The following RTN4RL1 variants were observed in gnomAD, a reference collection of about 807,000 sequenced individuals.
RTN4RL1 encodes reticulon 4 receptor like 1.
Under a neutral mutation model 25.6 loss-of-function variants are expected in RTN4RL1, and 7 were observed. The ratio of observed to expected loss-of-function variants is 0.27; its 90% CI spans 0.16 to 0.51. The LOEUF (loss-of-function observed/expected upper bound fraction) is 0.51, where lower values mean the gene tolerates loss of function less well. RTN4RL1 is among the 20% of genes least tolerant of loss of function. The pLI, the probability that RTN4RL1 is intolerant of heterozygous loss-of-function variation, is 0.97. For missense variants in RTN4RL1, 500 were observed against 615.6 expected (o/e 0.81, Z 1.99); for synonymous variants, 297 against 288.2 (o/e 1.03, Z -0.31).
At chr17:1,961,661 CTCATGCCTGTAATCCCA>C (rs2066761970) in intron 1 of RTN4RL1, among the ~76,000 whole-genome samples, 1 of 151,412 alleles carries the variant, frequency 6.6e-6, no homozygotes, top group African/African-American at 2.4e-5. Flanking sequence ...GGCGCGGTGG[CTCATGCCTGTAATCCCA>C]GCACTTTGGG....
chr17:2,024,714 G>A (rs1409900520), intron 1 of RTN4RL1, 139 bp downstream of exon 1: 9 of 740,338 alleles, frequency 1.2e-5, no homozygotes, highest in Middle Eastern at 6.9e-4. Flanking sequence ...CAGCCCCTCG[G>A]CGGGTGCGCC....
At chr17:1,993,137 A>T (rs1271203157) in intron 1 of RTN4RL1, among the ~76,000 whole-genome samples, 1 of 152,156 alleles carries the variant, frequency 6.6e-6, no homozygotes, top group Non-Finnish European at 1.5e-5. Context: ...GATCCCAGCT[A>T]TTCGGGAGGC....
intron 1 of RTN4RL1, among the ~76,000 whole-genome samples, chr17:1,974,522 T>C (rs1327310138): frequency 3.9e-5 from 6 of 152,116 alleles, no homozygotes; most frequent in Admixed American, 3.3e-4. Context: ...AAAGGGATGA[T>C]TGACAAAGGT....
intron 1 of RTN4RL1, among the ~76,000 whole-genome samples, chr17:1,971,860 G>C (rs1384612458): frequency 6.6e-6 from 1 of 151,502 alleles, no homozygotes; most frequent in Non-Finnish European, 1.5e-5. Flanking sequence ...TACTCGGGAG[G>C]CTGAGGCAGG....
At chr17:1,962,438 A>T (rs1597497063) in intron 1 of RTN4RL1, among the ~76,000 whole-genome samples, 1 of 147,450 alleles carries the variant, frequency 6.8e-6, no homozygotes, top group South Asian at 2.2e-4. Flanking sequence ...GCTCCCTGCA[A>T]CCTCCGTCTC....
intron 1 of RTN4RL1, among the ~76,000 whole-genome samples, chr17:1,989,189 G>T (rs1032369600): frequency 7.2e-5 from 11 of 152,100 alleles, no homozygotes; most frequent in Non-Finnish European, 1.6e-4. Context: ...CGGAGAGGAG[G>T]GGATGGAGGT....
At chr17:1,977,422 T>TTC (rs2066846960) in intron 1 of RTN4RL1, among the ~76,000 whole-genome samples, 1 of 151,940 alleles carries the variant, frequency 6.6e-6, no homozygotes, top group Non-Finnish European at 1.5e-5. Context: ...ACCTTCGGGG[T>TTC]TCTCCCTGGA....
intron 1 of RTN4RL1, among the ~76,000 whole-genome samples, chr17:1,966,225 T>C (rs1260083168): frequency 1.3e-5 from 2 of 152,144 alleles, no homozygotes; most frequent in South Asian, 2.1e-4. Flanking sequence ...CGATTCCCAG[T>C]GTGACTGAGA....
At chr17:1,961,581 C>T (rs2066761491) in intron 1 of RTN4RL1, among the ~76,000 whole-genome samples, 1 of 151,762 alleles carries the variant, frequency 6.6e-6, no homozygotes, top group African/African-American at 2.4e-5. Context: ...GTTTCTTCTT[C>T]CCTCCTCCCA....
At chr17:2,004,078 C>CA (rs1166562038) in intron 1 of RTN4RL1, among the ~76,000 whole-genome samples, 8 of 132,782 alleles carry the variant, frequency 6.0e-5, no homozygotes, top group Admixed American at 1.5e-4. Context: ...CTCAAAAAAA[C>CA]AAAAAGCAGG....
Position 1,988,395 on chromosome 17 carries a change from C to T in RTN4RL1, c.13+36458G>A, listed in dbSNP as rs541962304. 5.6e-5 allele frequency among the ~76,000 whole-genome samples: 7 copies of T among 124,756 alleles called. No individual in the cohort carries two copies. In the East Asian group the frequency reaches 1.1e-3, roughly 20 times the overall value. 81.8% of individuals were successfully genotyped at this position (124,756 alleles called of 152,430 possible). On this transcript the variant is annotated intron_variant, in intron 1 of 1. Transcript: ENST00000331238. ...ATTCCAGCCTGGTGACAGAGCAAGA[C>T]TCCGCCTCAAAAAAAAAAAAAAAAA...
intron 1 of RTN4RL1, among the ~76,000 whole-genome samples, chr17:1,985,715 C>T (rs1013194030): frequency 6.6e-6 from 1 of 152,142 alleles, no homozygotes; most frequent in Non-Finnish European, 1.5e-5. Flanking sequence ...AGGAAGCCAG[C>T]CGTCTGGTGG....
intron 1 of RTN4RL1, among the ~76,000 whole-genome samples, chr17:1,939,160 G>A (rs959415782): frequency 2.6e-5 from 4 of 152,018 alleles, no homozygotes; most frequent in African/African-American, 7.2e-5. Flanking sequence ...AGACCATCCT[G>A]GCTAACACGG....
intron 1 of RTN4RL1, among the ~76,000 whole-genome samples, chr17:2,002,785 G>A (rs368548400): frequency 1.3e-5 from 2 of 152,192 alleles, no homozygotes; most frequent in African/African-American, 2.4e-5. Context: ...GGGAAAGTCA[G>A]GTCCCGGCGA....
At position 1,937,204 on chromosome 17, in the gene RTN4RL1, C is replaced by T. The variant is rs1344604221; in HGVS notation, c.618G>A (p.Glu206=). 12 of 1,612,456 alleles carry T rather than the reference C, an allele frequency of 7.4e-6. No individual in the cohort carries two copies. The highest frequency in any genetic ancestry group is 1.0e-5 in the Non-Finnish European group (12 of 1,179,812). ...TGTGGTGGACCCACTGCAGCTGGTT[C>T]TCGTGCAGCAAAAGACGGTCCAGGT... ...LVNLDRLLLH[E]NQLQWVHHKA... is the part of the protein sequence containing the mutation. Residue 206 remains glutamate (E), a synonymous_variant, in exon 2 of 2, where the codon GAG becomes GAA. Coordinates refer to ENST00000331238, the MANE Select transcript of RTN4RL1 (RefSeq NM_178568.4).
Position 1,949,670 on chromosome 17 carries a change from G to A in RTN4RL1, c.14-11862C>T, listed in dbSNP as rs576759178. On this transcript the variant is annotated intron_variant, in intron 1 of 1. Coordinates refer to ENST00000331238, the MANE Select transcript of RTN4RL1 (RefSeq NM_178568.4). ...ATTCACGAGAGTGACTGAGCTCCGG[G>A]TTTGCTTCCACAGCAGCAAGAGGCT... Among the ~76,000 whole-genome samples, 22 of 152,332 alleles carry A rather than the reference G, an allele frequency of 1.4e-4. No homozygotes were observed. In the South Asian group the frequency reaches 4.6e-3, roughly 32 times the overall value.
rs377225903 is a variant in RTN4RL1 at position 1,989,831 on chromosome 17, C to T, written c.13+35022G>A. Among the ~76,000 whole-genome samples the T allele has an allele frequency of 7.8e-4, 119 of 152,088 alleles. 4 individuals carry two copies. The South Asian group carries it at 0.024, about 31-fold the overall frequency. On this transcript the variant is annotated intron_variant, in intron 1 of 1. Coordinates refer to ENST00000331238, the MANE Select transcript of RTN4RL1 (RefSeq NM_178568.4). ...TCATGATCCACCAGCCTCAGCTTCCCAAAGTTCTGGGATTACAGGTGTGAG... is the reference window on the plus strand; with the variant it reads ...TCATGATCCACCAGCCTCAGCTTCCTAAAGTTCTGGGATTACAGGTGTGAG...
At chr17:1,978,923 C>T (rs1174262861) in intron 1 of RTN4RL1, among the ~76,000 whole-genome samples, 1 of 152,228 alleles carries the variant, frequency 6.6e-6, no homozygotes, top group Non-Finnish European at 1.5e-5. Context: ...CACGTGGTGG[C>T]TATGCCCAGA....
intron 1 of RTN4RL1, among the ~76,000 whole-genome samples, chr17:2,015,650 T>C (rs955376936): frequency 6.6e-6 from 1 of 152,084 alleles, no homozygotes; most frequent in Non-Finnish European, 1.5e-5. Flanking sequence ...TCGGGTTTAG[T>C]GTCAAGCCAG....
Sources: gnomAD v4.1 joint callset for allele counts (sites outside exome capture counted in the v4.1 genomes callset) on GRCh38, gnomAD v4.1.1 for gene constraint, MANE v1.5 for transcripts, NCBI Gene and HGNC (gene_info 2026-07-23, HGNC 2026-07-21) for gene names.